Variants in ACTL6B observed in about 807,000 individuals in gnomAD.
ACTL6B encodes the protein actin like 6B.
ACTL6B carries 48 observed loss-of-function variants against 63.3 expected under a neutral mutation model. That is an observed-to-expected ratio of 0.76 (90% CI 0.60 to 0.96). The LOEUF is 0.96. Among genes scored for constraint, ACTL6B ranks in the 50% least tolerant of loss-of-function variants. The pLI is 0.00. For synonymous variants in ACTL6B, 230 were observed against 223.8 expected, an observed-to-expected ratio of 1.03 and a Z score of -0.25; for missense variants, 350 against 572.2, an observed-to-expected ratio of 0.61 and a Z score of 3.96.
intron 4 of ACTL6B, among the ~76,000 whole-genome samples, chr7:100,650,613 G>T (rs1803923970): frequency 1.3e-5 from 2 of 152,120 alleles, no homozygotes; most frequent in Non-Finnish European, 1.5e-5. Flanking sequence ...GAGGCAGGAG[G>T]ATTGCTTGAA....
At chr7:100,644,394 T>A (rs184114422) in intron 13 of ACTL6B, among the ~76,000 whole-genome samples, 27 of 152,156 alleles carry the variant, frequency 1.8e-4, no homozygotes, top group African/African-American at 6.5e-4. Context: ...ACTAGCTTCC[T>A]GTAGCTCACC....
Position 100,653,629 on chromosome 7 carries a change from G to A in ACTL6B, c.369+1390C>T, listed in dbSNP as rs186111218. On this transcript the variant is annotated intron_variant, in intron 4 of 13. Coordinates refer to ENST00000160382, the MANE Select transcript of ACTL6B (RefSeq NM_016188.5). ...TGCAATCCAACCTGGGTGACAAACT[G>A]AGCAGACCCCCTGTTTTTGAGGCAA... is the stretch of plus-strand genomic sequence containing the variant. Among the ~76,000 whole-genome samples the A allele has an allele frequency of 3.9e-5, 6 of 152,192 alleles. No individual in the cohort carries two copies. The East Asian group carries it at 1.2e-3, about 29-fold the overall frequency.
chr7:100,653,465 C>G (rs562519933), intron 4 of ACTL6B, among the ~76,000 whole-genome samples: 1 of 152,120 alleles, frequency 6.6e-6, no homozygotes, highest in Non-Finnish European at 1.5e-5. Flanking sequence ...GCCTGGACAA[C>G]ATGATGAAAC....
chr7:100,650,212 C>T (rs2131335890), intron 4 of ACTL6B, 77 bp from the exon 5 acceptor site: 1 of 1,209,784 alleles, frequency 8.3e-7, no homozygotes, highest in Non-Finnish European at 1.2e-6. Flanking sequence ...GCAACCCACT[C>T]ACTCACACAT....
In ACTL6B at chr7:100,647,161, G is replaced by GT; in HGVS notation, c.821+61_821+62insA. 1.3e-6 allele frequency: 2 copies of GT among 1,591,176 alleles called. No homozygotes were observed. The highest frequency in any genetic ancestry group is 1.7e-6 in the Non-Finnish European group (2 of 1,159,720). ...GCGTGGGCAGCACCAGAGCCCCCCA[G>GT]CCCACCCCAAGAGTGCCGGTTCTGC... On this transcript the variant is annotated intron_variant, in intron 9 of 13. Coordinates refer to ENST00000160382, the MANE Select transcript of ACTL6B (RefSeq NM_016188.5). The surrounding 1 kb of genome is among the most constrained non-coding windows in gnomAD (Gnocchi z 4.4).
rs777243738 is a variant in ACTL6B at position 100,655,527 on chromosome 7, C to A, written c.162G>T (p.Leu54=). 6.2e-6 allele frequency: 10 copies of A among 1,614,044 alleles called. No homozygotes were observed. In the Admixed American group the frequency reaches 1.7e-4, roughly 27 times the overall value. Residue 54 remains leucine (L), a synonymous_variant, in exon 3 of 14, where the codon CTG becomes CTT. Coordinates refer to ENST00000160382, the MANE Select transcript of ACTL6B (RefSeq NM_016188.5). This position sits in a 1 kb window ranked among gnomAD's most constrained non-coding sequence, Gnocchi z 4.4. ...TCCCTTTCTTCTCTTTGTCCCCCTC[C>A]AGCTCCAGCCCGCCCCCCTCCTCCG... ...LAAEEGGGLE[L]EGDKEKKGKI...
chr7:100,656,162 C>T (rs1371912611), intron 1 of ACTL6B, among the ~76,000 whole-genome samples, 168 bp downstream of exon 1: 1 of 152,164 alleles, frequency 6.6e-6, no homozygotes, highest in African/African-American at 2.4e-5. Context: ...GCCCTGTGCG[C>T]GCGGGGCGTC....
Position 100,646,860 on chromosome 7 carries a change from G to GCT in ACTL6B, c.937-31_937-30dup, listed in dbSNP as rs1366609498. ...CAGAGAGAGGTGACTGGGGCTGTGGGCTCTCTCCCCCTTCCCCCCAGACCC... is the reference window on the plus strand; with the variant it reads ...CAGAGAGAGGTGACTGGGGCTGTGGGCTCTCTCTCCCCCTTCCCCCCAGACCC... On this transcript the variant is annotated intron_variant, in intron 10 of 13. Transcript: ENST00000160382. The surrounding 1 kb of genome is among the most constrained non-coding windows in gnomAD (Gnocchi z 6.1). The GCT allele has an allele frequency of 1.9e-6, 3 of 1,605,310 alleles. No individual in the cohort carries two copies. Among genetic ancestry groups the GCT allele is most frequent in the South Asian group, 1.1e-5 (1 of 90,434 alleles).
Position 100,652,618 on chromosome 7 carries a change from T to C in ACTL6B, c.369+2401A>G, listed in dbSNP as rs1281858127. Among the ~76,000 whole-genome samples the C allele has an allele frequency of 3.5e-5, 5 of 143,164 alleles. No individual in the cohort carries two copies. In the South Asian group the frequency reaches 8.7e-4, roughly 25 times the overall value. 93.9% of individuals were successfully genotyped at this position (143,164 alleles called of 152,430 possible). ...AAAAAAAAAAAAGAAATTGATAAAA[T>C]ATCTAATGGAATTGACGTCTTGACA... On this transcript the variant is annotated intron_variant, in intron 4 of 13. Coordinates refer to ENST00000160382, the MANE Select transcript of ACTL6B (RefSeq NM_016188.5).
At chr7:100,649,996 C>T (rs1803904965) in intron 5 of ACTL6B, 42 bp downstream of exon 5, 1 of 1,587,802 alleles carries the variant, frequency 6.3e-7, no homozygotes, top group South Asian at 1.1e-5. Context: ...AGGCCCCACC[C>T]CAGCCCTCCA....
At chr7:100,653,507 G>A (rs1298634827) in intron 4 of ACTL6B, among the ~76,000 whole-genome samples, 2 of 152,038 alleles carry the variant, frequency 1.3e-5, no homozygotes, top group East Asian at 1.9e-4. Flanking sequence ...AAAATCAGCT[G>A]GGCATGGTGG....
chr7:100,649,796 A>G (rs1803898989), intron 5 of ACTL6B, among the ~76,000 whole-genome samples: 1 of 152,140 alleles, frequency 6.6e-6, no homozygotes, highest in Non-Finnish European at 1.5e-5. Context: ...TCCCGGGCCC[A>G]GCTCACTGTC....
At position 100,650,084 on chromosome 7, in the gene ACTL6B, A is replaced by T; in HGVS notation, c.421T>A (p.Tyr141Asn). Residue 141 changes from tyrosine to asparagine, a missense_variant, in exon 5 of 14, where the codon TAC (tyrosine) becomes AAC (asparagine). Physicochemically the swap from Tyr to Asn is moderately radical, Grantham distance 143. Around this residue, in one of 3 missense-constraint regions of ACTL6B, gnomAD observed 250 missense variants for 364.7 expected, o/e 0.69. Transcript: ENST00000160382. ...CATAAGAAGAAGGCAGGAATGTTGT[A>T]CTGCTCGAACATCAGCTCTGTCAGC... The part of the protein sequence containing the change: ...EKLTELMFEQ[Y>N]NIPAFFLCKT... The T allele has an allele frequency of 3.1e-6, 5 of 1,613,976 alleles. No individual in the cohort carries two copies. The highest frequency in any genetic ancestry group is 4.2e-6 in the Non-Finnish European group (5 of 1,179,988).
At position 100,648,810 on chromosome 7, in the gene ACTL6B, GC is replaced by G; in HGVS notation, c.480del (p.Arg161GlyfsTer59). ...CTGTCCAGCACGAGGCCAGTGGACC[GC>G]CCGTTTGCAAAGCTGGCATCGGATG... ...KTAVLTAFAN[G>X]RSTGLVLDSG... On this transcript the variant is annotated frameshift_variant, in exon 6 of 14. Transcript: ENST00000160382. LOFTEE classifies it high-confidence loss of function. This position sits in a 1 kb window ranked among gnomAD's most constrained non-coding sequence, Gnocchi z 4.4. 1 of 1,613,552 alleles carries G rather than the reference GC, an allele frequency of 6.2e-7. No homozygotes were observed. Among genetic ancestry groups the G allele is most frequent in the Non-Finnish European group, 8.5e-7 (1 of 1,179,796 alleles).
Position 100,646,947 on chromosome 7 carries a change from C to T in ACTL6B, c.936+24G>A, listed in dbSNP as rs959024824. ...CCAGGGACTGCAGCCAGCACCCACC[C>T]CAGTCCTCGCCACACAGCCAAACCT... On this transcript the variant is annotated intron_variant, in intron 10 of 13. Coordinates refer to ENST00000160382, the MANE Select transcript of ACTL6B (RefSeq NM_016188.5). This position sits in a 1 kb window ranked among gnomAD's most constrained non-coding sequence, Gnocchi z 6.1. 2 of 1,611,488 alleles carry T rather than the reference C, an allele frequency of 1.2e-6. No homozygotes were observed. Among genetic ancestry groups the T allele is most frequent in the Admixed American group, 3.3e-5 (2 of 59,986 alleles).
Position 100,647,374 on chromosome 7 carries a change from G to T in ACTL6B, c.759+70C>A. The T allele has an allele frequency of 6.2e-7, 1 of 1,600,894 alleles. No homozygotes were observed. On this transcript the variant is annotated intron_variant, in intron 8 of 13. Transcript: ENST00000160382. The surrounding 1 kb of genome is among the most constrained non-coding windows in gnomAD (Gnocchi z 4.4). ...CCCCTCCCTGCTCCCCCTCCCATGC[G>T]GGGCCTCTGTCCCGCCCCCGATTCA...
rs1562848378 is a variant in ACTL6B at position 100,647,114 on chromosome 7, G to A, written c.822-29C>T. The A allele has an allele frequency of 1.9e-6, 3 of 1,612,468 alleles. No individual in the cohort carries two copies. The highest frequency in any genetic ancestry group is 1.7e-5 in the Admixed American group (1 of 59,976). On this transcript the variant is annotated intron_variant, in intron 9 of 13. Coordinates refer to ENST00000160382, the MANE Select transcript of ACTL6B (RefSeq NM_016188.5). The surrounding 1 kb of genome is among the most constrained non-coding windows in gnomAD (Gnocchi z 4.4). ...CCCAGAAGGGAGCAGGACTCTGCCTGGGGTGCTCAAGAAGGATCAGTGCGT... is the reference window on the plus strand; with the variant it reads ...CCCAGAAGGGAGCAGGACTCTGCCTAGGGTGCTCAAGAAGGATCAGTGCGT...
At chr7:100,653,774 A>G (rs1482048070) in intron 4 of ACTL6B, among the ~76,000 whole-genome samples, 1 of 152,126 alleles carries the variant, frequency 6.6e-6, no homozygotes, top group Non-Finnish European at 1.5e-5. Flanking sequence ...AGGAAAAGAG[A>G]GCTAAGCGAT....
In ACTL6B at chr7:100,646,184, C is replaced by T. The variant is rs546766801; in HGVS notation, c.1200+65G>A. On this transcript the variant is annotated intron_variant, in intron 13 of 13. Transcript: ENST00000160382. The surrounding 1 kb of genome is among the most constrained non-coding windows in gnomAD (Gnocchi z 6.1). Reference sequence around the variant, plus strand: ...ATGAACGAAGAGGCAGTCAAAGTGGCGGGCACTGTCTGGGTCTCCCCTCTC... The same window carrying T: ...ATGAACGAAGAGGCAGTCAAAGTGGTGGGCACTGTCTGGGTCTCCCCTCTC... The T allele has an allele frequency of 3.0e-5, 40 of 1,334,904 alleles. No homozygotes were observed. The highest frequency in any genetic ancestry group is 8.0e-5 in the Admixed American group (4 of 50,154). The allele number at this position is 1,334,904 out of a possible 1,614,324, so 82.7% of individuals were successfully genotyped here.
Sources: allele counts gnomAD v4.1 joint callset (sites outside exome capture counted in the v4.1 genomes callset), GRCh38; gene constraint gnomAD v4.1.1; regional missense constraint gnomAD v4.1.1; non-coding constraint Gnocchi (gnomAD v3.1); transcripts MANE v1.5; gene names NCBI Gene and HGNC (gene_info 2026-07-23, HGNC 2026-07-21).